The following ABI3 variants were observed in gnomAD, a reference collection of about 807,000 sequenced individuals.
ABI3 encodes the protein ABI gene family member 3.
A neutral mutation model predicts 37.0 loss-of-function variants in ABI3; 24 were observed. The observed-to-expected ratio is 0.65, with a 90% CI of 0.47 to 0.91. The LOEUF is 0.91. Ranked by LOEUF, ABI3 falls within the 40% of genes least tolerant of loss-of-function variation. ABI3 has a pLI of 0.00. For synonymous variants in ABI3, 220 were observed against 211.8 expected (o/e 1.04, Z -0.34); for missense variants, 481 against 485.1 (o/e 0.99, Z 0.08).
chr17:49,216,873 T>C (rs539050010), intron 2 of ABI3, among the ~76,000 whole-genome samples, 175 bp downstream of exon 2: 1 of 152,340 alleles, frequency 6.6e-6, no homozygotes, highest in South Asian at 2.1e-4. Flanking sequence ...TCTCTGTGGC[T>C]ACGCTACAAA....
At chr17:49,222,306 G>A in intron 7 of ABI3, 81 bp downstream of exon 7, 1 of 1,529,422 alleles carries the variant, frequency 6.5e-7, no homozygotes. Context: ...CTCTGCAAAG[G>A]TGTGAATCTA....
rs768810295 is a variant in ABI3 at position 49,220,290 on chromosome 17, C to A, written c.766C>A (p.Pro256Thr). The A allele has an allele frequency of 2.5e-6, 4 of 1,600,860 alleles. No individual in the cohort carries two copies. In the African/African-American group the frequency reaches 5.4e-5, roughly 21 times the overall value. ...PPAAVEVFQR[P>T]PTLEELSPPP... Reference sequence around the variant, plus strand: ...AGCAGCCGTCGAGGTGTTCCAGCGGCCTCCCACGCTGGAGGAGTTGTCCCC... The same window carrying A: ...AGCAGCCGTCGAGGTGTTCCAGCGGACTCCCACGCTGGAGGAGTTGTCCCC... Residue 256 changes from proline to threonine, a missense_variant, in exon 6 of 8, where the codon CCT becomes ACT. Transcript: ENST00000225941.
rs903718447 is a variant in ABI3, at chr17:49,219,802, T to A, written c.549-56T>A. 6.6e-7 allele frequency: 1 copy of A among 1,513,056 alleles called. No individual in the cohort carries two copies. The highest frequency in any genetic ancestry group is 1.4e-5 in the African/African-American group (1 of 72,082). 93.7% of individuals were successfully genotyped at this position (1,513,056 alleles called of 1,614,324 possible). A position where few individuals can be genotyped will look rare whatever the true frequency, so the allele number is the denominator to read the frequency against. On this transcript the variant is annotated intron_variant, in intron 4 of 7. Transcript: ENST00000225941. The surrounding 1 kb of genome is among the most constrained non-coding windows in gnomAD (Gnocchi z 4.3). ...GCCCTTCCTGCTCGCACCCGACCCC[T>A]GCTGGCCAGAAGCCTTCCTCCTTCC...
At chr17:49,211,731 G>A (rs953579992) in intron 1 of ABI3, among the ~76,000 whole-genome samples, 2 of 151,344 alleles carry the variant, frequency 1.3e-5, no homozygotes, top group African/African-American at 4.9e-5. Flanking sequence ...TACAACCTCC[G>A]CCTTCCGGGT....
At chr17:49,211,214 G>A (rs915518310) in intron 1 of ABI3, among the ~76,000 whole-genome samples, 1 of 152,140 alleles carries the variant, frequency 6.6e-6, no homozygotes, top group Admixed American at 6.5e-5. Flanking sequence ...GGCCGGCTCT[G>A]GGTGAGGCTT....
chr17:49,212,626 C>T (rs936125203), intron 1 of ABI3, among the ~76,000 whole-genome samples: 5 of 152,162 alleles, frequency 3.3e-5, no homozygotes, highest in African/African-American at 9.7e-5. Flanking sequence ...ATCTGAAGTC[C>T]GGTGAGGCGA....
intron 1 of ABI3, among the ~76,000 whole-genome samples, chr17:49,213,006 G>A (rs1187062948): frequency 6.6e-6 from 1 of 152,146 alleles, no homozygotes. Context: ...CACAATTTGG[G>A]GTCGCAAAGA....
intron 1 of ABI3, among the ~76,000 whole-genome samples, chr17:49,213,012 AAAGACCT>A (rs1198229599): frequency 1.3e-5 from 2 of 152,238 alleles, no homozygotes; most frequent in East Asian, 3.8e-4. Flanking sequence ...TTGGGGTCGC[AAAGACCT>A]AAGTCAAATT....
Position 49,216,540 on chromosome 17 carries a change from A to G in ABI3, c.127A>G (p.Lys43Glu). Residue 43 changes from lysine (K) to glutamate (E), a missense_variant, in exon 2 of 8, where the codon AAG (lysine) becomes GAG (glutamate). Lys to Glu is a moderately conservative substitution (Grantham distance 56). Transcript: ENST00000225941. Reference protein sequence around the residue: ...CEDNYVQATDKRKALEETMAF... With the variant: ...CEDNYVQATDERKALEETMAF... Reference sequence around the variant, plus strand: ...GCTGTGTGTATTTCAGGCCACAGACAAGCGGAAGGCGCTGGAGGAGACCAT... The same window carrying G: ...GCTGTGTGTATTTCAGGCCACAGACGAGCGGAAGGCGCTGGAGGAGACCAT... 1 of 1,583,266 alleles carries G rather than the reference A, an allele frequency of 6.3e-7. No individual in the cohort carries two copies. Among genetic ancestry groups the G allele is most frequent in the East Asian group, 2.3e-5 (1 of 43,852 alleles).
intron 7 of ABI3, 61 bp downstream of exon 7, chr17:49,222,286 A>C: frequency 6.4e-7 from 1 of 1,564,300 alleles, no homozygotes; most frequent in Non-Finnish European, 8.7e-7. Flanking sequence ...CCTGATCCCC[A>C]TTCTCCTCCC....
intron 6 of ABI3, among the ~76,000 whole-genome samples, chr17:49,221,282 A>G (rs35474515): frequency 0.27 from 41,161 of 150,698 alleles, 6,544 homozygotes; most frequent in African/African-American, 0.45. Flanking sequence ...CATCCTGGCT[A>G]ACATGGTGAA....
intron 7 of ABI3, 44 bp from the exon 8 acceptor site, chr17:49,222,508 G>C (rs370947412): frequency 4.4e-6 from 7 of 1,601,996 alleles, no homozygotes; most frequent in Non-Finnish European, 6.0e-6. Context: ...GGGGGAGAGG[G>C]CAAGAGGCAT....
intron 2 of ABI3, 98 bp downstream of exon 2, chr17:49,216,796 C>T: frequency 7.7e-7 from 1 of 1,303,796 alleles, no homozygotes; most frequent in Non-Finnish European, 9.9e-7. Flanking sequence ...TCCTGCTTTC[C>T]TCCATGTCCA....
chr17:49,222,226 G>T lies in ABI3; in HGVS notation c.937+1G>T. ...GTGCCTGCCTCATACTTGGAGAAAG[G>T]TACCTGACTTCTGGGACTGAGGGGC... On this transcript the variant is annotated splice_donor_variant, in intron 7 of 7. Transcript: ENST00000225941. LOFTEE classifies it high-confidence loss of function. The T allele has an allele frequency of 1.2e-6, 2 of 1,612,348 alleles. No individual in the cohort carries two copies. The highest frequency in any genetic ancestry group is 1.7e-6 in the Non-Finnish European group (2 of 1,179,176).
chr17:49,217,684 G>A, intron 2 of ABI3, 55 bp from the exon 3 acceptor site: 1 of 1,518,882 alleles, frequency 6.6e-7, no homozygotes, highest in Non-Finnish European at 8.8e-7. Context: ...TCCTTAGGGG[G>A]AAGGGTGCTG....
rs765454069 is a variant in ABI3, at chr17:49,220,298, G to A, written c.774G>A (p.Thr258=). The A allele has an allele frequency of 4.4e-6, 7 of 1,597,186 alleles. No individual in the cohort carries two copies. Among genetic ancestry groups the A allele is most frequent in the East Asian group, 4.5e-5 (2 of 44,264 alleles). The change falls in exon 6 of 8, where the codon ACG becomes ACA. Residue 258 remains threonine (T), a synonymous_variant. Transcript: ENST00000225941. Reference sequence around the variant, plus strand: ...TCGAGGTGTTCCAGCGGCCTCCCACGCTGGAGGAGTTGTCCCCACCCCCAC... The same window carrying A: ...TCGAGGTGTTCCAGCGGCCTCCCACACTGGAGGAGTTGTCCCCACCCCCAC... ...AAVEVFQRPP[T]LEELSPPPPD...
chr17:49,220,924 C>G (rs1440275842), intron 6 of ABI3, among the ~76,000 whole-genome samples: 3 of 151,446 alleles, frequency 2.0e-5, no homozygotes, highest in Non-Finnish European at 4.4e-5. Context: ...CGGGGTGGCT[C>G]ACGGCCGTAA....
intron 1 of ABI3, among the ~76,000 whole-genome samples, chr17:49,214,296 G>A (rs183563668): frequency 6.6e-6 from 1 of 152,294 alleles, no homozygotes; most frequent in African/African-American, 2.4e-5. Context: ...GCCTTAGAAA[G>A]GTACAGGCTA....
intron 3 of ABI3, among the ~76,000 whole-genome samples, chr17:49,218,770 A>ATTTTTTTT (rs71144583): frequency 2.3e-5 from 3 of 131,776 alleles, no homozygotes; most frequent in Admixed American, 7.6e-5. Context: ...TGCCCGGCTA[A>ATTTTTTTT]TTTTTTTTTT....
Sources: allele counts gnomAD v4.1 joint callset (sites outside exome capture counted in the v4.1 genomes callset), GRCh38; gene constraint gnomAD v4.1.1; non-coding constraint Gnocchi (gnomAD v3.1); transcripts MANE v1.5; gene names NCBI Gene and HGNC (gene_info 2026-07-23, HGNC 2026-07-21).